FRY: variants seen among roughly 807,000 people sequenced by gnomAD.
FRY encodes protein furry homolog.
Under a neutral mutation model 348.4 loss-of-function variants are expected in FRY, and 128 were observed. The ratio of observed to expected loss-of-function variants is 0.37; its 90% CI spans 0.32 to 0.43. The LOEUF is 0.43. Among genes scored for constraint, FRY ranks in the 20% least tolerant of loss-of-function variants. The pLI, the probability that FRY is intolerant of heterozygous loss-of-function variation, is 1.00. For missense variants in FRY, 2,736 were observed against 3,695.2 expected, an observed-to-expected ratio of 0.74 and a Z score of 6.73; for synonymous variants, 1,370 against 1,374.7, an observed-to-expected ratio of 1.00 and a Z score of 0.08.
At chr13:32,229,591 T>C (rs1007555760) in intron 40 of FRY, among the ~76,000 whole-genome samples, 1 of 152,280 alleles carries the variant, frequency 6.6e-6, no homozygotes, top group Admixed American at 6.5e-5. Flanking sequence ...GAGACCCGCA[T>C]GATTTGTGGA....
At chr13:32,281,540 C>G (rs1165925199) in intron 58 of FRY, among the ~76,000 whole-genome samples, 1 of 152,204 alleles carries the variant, frequency 6.6e-6, no homozygotes, top group African/African-American at 2.4e-5. Context: ...AGGGCAAATT[C>G]TGAGTCTGGT....
intron 55 of FRY, among the ~76,000 whole-genome samples, chr13:32,271,546 C>G (rs1046098199): frequency 2.0e-5 from 3 of 152,202 alleles, no homozygotes; most frequent in African/African-American, 7.2e-5. Flanking sequence ...GACTGCCCAC[C>G]ACAGAGAGTT....
intron 1 of FRY, among the ~76,000 whole-genome samples, chr13:32,065,924 TATTATGAATCAA>T (rs1293764300): frequency 6.6e-6 from 1 of 152,176 alleles, no homozygotes; most frequent in Non-Finnish European, 1.5e-5. Flanking sequence ...TTTGTTAAAG[TATTATGAATCAA>T]ATATAGACAT....
chr13:32,082,756 C>T (rs567084638), intron 2 of FRY, among the ~76,000 whole-genome samples: 1 of 152,316 alleles, frequency 6.6e-6, no homozygotes, highest in South Asian at 2.1e-4. Context: ...CTCCCTCTGA[C>T]ATTTGAATCT....
chr13:32,037,039 CACACACACACACACACACAA>C (rs769982558), intron 1 of FRY, among the ~76,000 whole-genome samples: 16 of 95,678 alleles, frequency 1.7e-4, no homozygotes, highest in Non-Finnish European at 3.1e-4. Flanking sequence ...CACACACACA[CACACACACACACACACACAA>C]ACACACACAC....
chr13:32,162,617 G>A lies in FRY; in HGVS notation c.1892+1366G>A, dbSNP rs1881514479. On this transcript the variant is annotated intron_variant, in intron 17 of 60. Transcript: ENST00000542859. ...CCCTTCCTCCTTCCTGACACCACTAGCACAAGAACAGTGCTGAATGTGAAG... is the reference window on the plus strand; with the variant it reads ...CCCTTCCTCCTTCCTGACACCACTAACACAAGAACAGTGCTGAATGTGAAG... 2.0e-5 allele frequency among the ~76,000 whole-genome samples: 3 copies of A among 152,076 alleles called. No homozygotes were observed. In the South Asian group the frequency reaches 6.2e-4, roughly 32 times the overall value.
At chr13:32,168,812 T>C (rs1881895362) in intron 17 of FRY, among the ~76,000 whole-genome samples, 1 of 152,250 alleles carries the variant, frequency 6.6e-6, no homozygotes, top group African/African-American at 2.4e-5. Context: ...ACTGGACCAA[T>C]TGGTGTACTT....
Position 32,155,356 on chromosome 13 carries a change from C to T in FRY, c.1480-135C>T. The T allele has an allele frequency of 4.1e-6, 3 of 723,734 alleles. No individual in the cohort carries two copies. The South Asian group carries it at 4.5e-5, about 11-fold the overall frequency. 44.8% of individuals were successfully genotyped at this position (723,734 alleles called of 1,614,324 possible). ...TTAATTTTCATAAGATTGCTCTACA[C>T]TCTTGTGGCTTTTAAATTATTTTCT... On this transcript the variant is annotated intron_variant, in intron 14 of 60. Transcript: ENST00000542859.
chr13:32,134,868 T>A, intron 8 of FRY, 36 bp from the exon 9 acceptor site: 1 of 1,267,890 alleles, frequency 7.9e-7, no homozygotes, highest in Non-Finnish European at 1.2e-6. Context: ...CATTTCAACC[T>A]ACTCTCCCTC....
intron 2 of FRY, among the ~76,000 whole-genome samples, chr13:32,094,997 T>G (rs1488262255): frequency 6.6e-6 from 1 of 152,248 alleles, no homozygotes; most frequent in Non-Finnish European, 1.5e-5. Flanking sequence ...TTTCTCCATA[T>G]GCTTGCCAGC....
intron 23 of FRY, among the ~76,000 whole-genome samples, chr13:32,180,488 GC>G (rs1882640187): frequency 2.0e-5 from 3 of 152,208 alleles, no homozygotes; most frequent in Admixed American, 1.3e-4. Context: ...ACCCGCCTCA[GC>G]CCCCCAAAGT....
intron 1 of FRY, among the ~76,000 whole-genome samples, chr13:32,041,255 T>C (rs1872732113): frequency 6.6e-6 from 1 of 151,944 alleles, no homozygotes; most frequent in African/African-American, 2.4e-5. Flanking sequence ...GTATCACTTG[T>C]TCTAACACCC....
At chr13:32,122,862 C>T (rs1444275318) in intron 4 of FRY, among the ~76,000 whole-genome samples, 1 of 152,156 alleles carries the variant, frequency 6.6e-6, no homozygotes, top group Non-Finnish European at 1.5e-5. Context: ...GATTAATGTA[C>T]ACAAATCAGT....
chr13:32,062,935 T>A (rs569683356), intron 1 of FRY, among the ~76,000 whole-genome samples: 1 of 151,852 alleles, frequency 6.6e-6, no homozygotes. Flanking sequence ...TATATGCATA[T>A]GTATATTAGT....
intron 2 of FRY, among the ~76,000 whole-genome samples, chr13:32,101,687 T>C (rs960158807): frequency 5.9e-5 from 9 of 152,228 alleles, no homozygotes; most frequent in South Asian, 2.1e-4. Flanking sequence ...TGATATCTCA[T>C]TGTAGTTTTG....
At chr13:32,196,461 C>T (rs205015) in intron 29 of FRY, among the ~76,000 whole-genome samples, 26,431 of 152,074 alleles carry the variant, frequency 0.17, 2,477 homozygotes, top group Middle Eastern at 0.29. Flanking sequence ...AGAGGATTTG[C>T]CATTTTTGCA....
At chr13:32,222,211 G>T (rs960556828) in intron 36 of FRY, among the ~76,000 whole-genome samples, 9 of 152,316 alleles carry the variant, frequency 5.9e-5, no homozygotes, top group Non-Finnish European at 1.3e-4. Context: ...CCCTGAGGCT[G>T]TATGGGGCCC....
intron 44 of FRY, among the ~76,000 whole-genome samples, chr13:32,238,811 T>C (rs530464945): frequency 6.6e-6 from 1 of 152,370 alleles, no homozygotes; most frequent in East Asian, 1.9e-4. Context: ...AAGCTATCGC[T>C]TAACAGAGAG....
intron 7 of FRY, among the ~76,000 whole-genome samples, chr13:32,125,087 G>A (rs970032199): frequency 2.6e-5 from 4 of 152,188 alleles, no homozygotes; most frequent in Non-Finnish European, 4.4e-5. Flanking sequence ...CCTACCTAGA[G>A]TCCATGGGTT....
Sources: allele counts gnomAD v4.1 joint callset (sites outside exome capture counted in the v4.1 genomes callset), GRCh38; gene constraint gnomAD v4.1.1; transcripts MANE v1.5; gene names NCBI Gene and HGNC (gene_info 2026-07-23, HGNC 2026-07-21).